The following PTPN9 variants were observed in gnomAD, a reference collection of about 807,000 sequenced individuals.
The protein encoded by PTPN9 is protein tyrosine phosphatase non-receptor type 9.
PTPN9 carries 26 observed loss-of-function variants against 69.8 expected under a neutral mutation model. The observed-to-expected ratio is 0.37, with a 90% CI of 0.27 to 0.52. The LOEUF is 0.52. PTPN9 is among the 20% of genes least tolerant of loss of function. The probability of loss-of-function intolerance (pLI) is 0.91; values close to 1 mark genes in which losing one functional copy is unlikely to be tolerated. For synonymous variants in PTPN9, 274 were observed against 272.5 expected (o/e 1.01, Z -0.05); for missense variants, 549 against 740.3 (o/e 0.74, Z 3.00).
intron 1 of PTPN9, among the ~76,000 whole-genome samples, chr15:75,566,328 A>C (rs1181318989): frequency 6.6e-6 from 1 of 152,218 alleles, no homozygotes; most frequent in African/African-American, 2.4e-5. Context: ...TTAATAGCAT[A>C]ATCTTAAACG....
chr15:75,574,468 C>T (rs372672746), intron 1 of PTPN9, among the ~76,000 whole-genome samples: 2 of 151,920 alleles, frequency 1.3e-5, no homozygotes, highest in East Asian at 1.9e-4. Flanking sequence ...ATAGTAGCTT[C>T]GAATAGGGTG....
Position 75,520,124 on chromosome 15 carries a change from C to T in PTPN9, c.423-2760G>A, listed in dbSNP as rs565712524. Among the ~76,000 whole-genome samples, 269 of 152,144 alleles carry T rather than the reference C, an allele frequency of 1.8e-3. 1 individual carries two copies. The highest frequency in any genetic ancestry group is 6.0e-3 in the African/African-American group (249 of 41,518). On this transcript the variant is annotated intron_variant, in intron 4 of 12. Transcript: ENST00000618819. ...AGCCCGAGCAAAAGTGAGACCCTGT[C>T]TCTTAAATAAAAAGAAACAAAGAAA...
intron 7 of PTPN9, among the ~76,000 whole-genome samples, chr15:75,503,414 G>T (rs1234910051): frequency 6.9e-6 from 1 of 143,970 alleles, no homozygotes; most frequent in East Asian, 2.1e-4. Flanking sequence ...CGCCCCATCT[G>T]AGAAGTGAGG....
intron 1 of PTPN9, among the ~76,000 whole-genome samples, chr15:75,534,813 G>A (rs1459372165): frequency 6.6e-6 from 1 of 151,598 alleles, no homozygotes; most frequent in Non-Finnish European, 1.5e-5. Flanking sequence ...TCTCTACTAA[G>A]AAAACAAAAA....
chr15:75,480,713 G>C, intron 8 of PTPN9: 6 of 1,315,886 alleles, frequency 4.6e-6, no homozygotes, highest in East Asian at 3.7e-5. Context: ...CCCCACAGCC[G>C]GGAGGATGGA....
At chr15:75,573,333 C>A (rs546844920) in intron 1 of PTPN9, among the ~76,000 whole-genome samples, 3 of 152,302 alleles carry the variant, frequency 2.0e-5, no homozygotes, top group East Asian at 3.9e-4. Flanking sequence ...GATACTGTTA[C>A]GATTGTTATT....
intron 1 of PTPN9, among the ~76,000 whole-genome samples, chr15:75,572,574 G>A (rs2075152955): frequency 6.6e-6 from 1 of 151,956 alleles, no homozygotes. Flanking sequence ...AATTAGTCGG[G>A]TGTGATGGTG....
Position 75,464,028 on chromosome 15 carries a change from G to A in PTPN9, c.*4741C>T, listed in dbSNP as rs575019497. ...ACAGGGAAACTTTAAAGGCCTATAG[G>A]CTGGTCTTGGAGATGACAGAGACCT... is the stretch of plus-strand genomic sequence containing the variant. On this transcript the variant is annotated 3_prime_UTR_variant, in exon 13 of 13. Coordinates refer to ENST00000618819, the MANE Select transcript of PTPN9 (RefSeq NM_002833.4). The A allele has an allele frequency of 6.6e-6, 1 of 152,390 alleles. No individual in the cohort carries two copies. Among genetic ancestry groups the A allele is most frequent in the South Asian group, 2.1e-4 (1 of 4,826 alleles). 9.4% of individuals were successfully genotyped at this position (152,390 alleles called of 1,614,324 possible).
intron 1 of PTPN9, among the ~76,000 whole-genome samples, chr15:75,544,658 A>T (rs1343812568): frequency 1.3e-5 from 2 of 152,194 alleles, no homozygotes; most frequent in African/African-American, 4.8e-5. Context: ...CACACTCTCC[A>T]CAAGAACCTG....
At chr15:75,558,654 G>C (rs1403148552) in intron 1 of PTPN9, among the ~76,000 whole-genome samples, 1 of 152,156 alleles carries the variant, frequency 6.6e-6, no homozygotes, top group Admixed American at 6.5e-5. Context: ...TCAGCCTGCC[G>C]AGTGCCTGCG....
At chr15:75,533,151 A>G (rs1234090897) in intron 1 of PTPN9, among the ~76,000 whole-genome samples, 1 of 152,252 alleles carries the variant, frequency 6.6e-6, no homozygotes, top group African/African-American at 2.4e-5. Context: ...GAAGAGCTGG[A>G]GTTCAAACAG....
chr15:75,558,117 C>T (rs986072492), intron 1 of PTPN9, among the ~76,000 whole-genome samples: 16 of 152,158 alleles, frequency 1.1e-4, no homozygotes, highest in Non-Finnish European at 1.5e-5. Context: ...ATCACGAGGT[C>T]GAGAAATCAA....
chr15:75,555,920 A>G (rs1293313544), intron 1 of PTPN9, among the ~76,000 whole-genome samples: 2 of 151,404 alleles, frequency 1.3e-5, no homozygotes, highest in Non-Finnish European at 2.9e-5. Context: ...TAATCCTAGC[A>G]CTTTGGGAGG....
intron 4 of PTPN9, among the ~76,000 whole-genome samples, chr15:75,518,146 T>C (rs1324432105): frequency 6.6e-6 from 1 of 152,038 alleles, no homozygotes; most frequent in Non-Finnish European, 1.5e-5. Flanking sequence ...CTAAGGATGG[T>C]GGATAGCTTA....
chr15:75,554,555 G>A lies in PTPN9; in HGVS notation c.63+24159C>T, dbSNP rs376627256. On this transcript the variant is annotated intron_variant, in intron 1 of 12. Coordinates refer to ENST00000618819, the MANE Select transcript of PTPN9 (RefSeq NM_002833.4). ...TTGCCCAGGCTGGTCTCAAACTCCT[G>A]GACTCAAGTGATTTTCCCACCTCAG... Among the ~76,000 whole-genome samples the A allele has an allele frequency of 1.1e-4, 16 of 150,296 alleles. No homozygotes were observed. In the East Asian group the frequency reaches 3.2e-3, roughly 30 times the overall value.
chr15:75,501,394 G>T (rs1359173588), intron 7 of PTPN9, among the ~76,000 whole-genome samples: 1 of 151,540 alleles, frequency 6.6e-6, no homozygotes, highest in Non-Finnish European at 1.5e-5. Flanking sequence ...TGGAATATGA[G>T]GCTGGGACCC....
At chr15:75,521,370 C>T (rs986580040) in intron 4 of PTPN9, among the ~76,000 whole-genome samples, 9 of 150,884 alleles carry the variant, frequency 6.0e-5, no homozygotes, top group Admixed American at 2.0e-4. Flanking sequence ...GAGAATGGCA[C>T]GAACCCGGGA....
chr15:75,482,050 A>G (rs1245707445), intron 8 of PTPN9, among the ~76,000 whole-genome samples: 1 of 149,112 alleles, frequency 6.7e-6, no homozygotes, highest in African/African-American at 2.5e-5. Flanking sequence ...GAGAAATCGG[A>G]TGGTTGCCGT....
chr15:75,555,110 A>G (rs543612753), intron 1 of PTPN9, among the ~76,000 whole-genome samples: 13 of 152,216 alleles, frequency 8.5e-5, no homozygotes, highest in Non-Finnish European at 1.8e-4. Flanking sequence ...CTTTCTTCAG[A>G]TGAGAAAAAT....
Sources: gnomAD v4.1 joint callset for allele counts (sites outside exome capture counted in the v4.1 genomes callset) on GRCh38, gnomAD v4.1.1 for gene constraint, MANE v1.5 for transcripts, NCBI Gene and HGNC (gene_info 2026-07-23, HGNC 2026-07-21) for gene names.